RGP1: variants seen among roughly 807,000 people sequenced by gnomAD.
RGP1 encodes RGP1 partner of RAB6A GEF complex.
A neutral mutation model predicts 44.5 loss-of-function variants in RGP1; 28 were observed. That is an observed-to-expected ratio of 0.63 (90% confidence interval 0.47 to 0.86). The LOEUF is 0.86. Among genes scored for constraint, RGP1 ranks in the 40% least tolerant of loss-of-function variants. The probability of loss-of-function intolerance (pLI) is 0.00; values close to 1 mark genes in which losing one functional copy is unlikely to be tolerated. For synonymous variants in RGP1, 212 were observed against 196.7 expected, an observed-to-expected ratio of 1.08 and a Z score of -0.65; for missense variants, 417 against 490.7, an observed-to-expected ratio of 0.85 and a Z score of 1.42.
chr9:35,777,906 T>G, the RGP1 span, among the ~76,000 whole-genome samples: 25 of 152,302 alleles, frequency 1.6e-4, no homozygotes, highest in African/African-American at 5.5e-4. Context: ...GCACCCCATA[T>G]CAATGACATA....
chr9:35,760,859 A>G (rs977869094), downstream of RGP1, among the ~76,000 whole-genome samples: 2 of 152,186 alleles, frequency 1.3e-5, no homozygotes, highest in Non-Finnish European at 2.9e-5. Flanking sequence ...CAACACAAAT[A>G]AGGAGGCCTC....
At chr9:35,752,366 C>T (rs1247770510) in intron 8 of RGP1, among the ~76,000 whole-genome samples, 1 of 152,228 alleles carries the variant, frequency 6.6e-6, no homozygotes, top group East Asian at 1.9e-4. Flanking sequence ...CCCACACCTA[C>T]CTACTAGGAC....
rs761302150 is a variant in RGP1, at chr9:35,749,789, C to G, written c.34C>G (p.Pro12Ala). ...IEVVAELSRG[P>A]VFLAGEALEC... Reference sequence around the variant, plus strand: ...AGTGGTAGCAGAGCTCAGCCGGGGTCCTGTATTTTTGGCTGGGGAGGCGCT... The same window carrying G: ...AGTGGTAGCAGAGCTCAGCCGGGGTGCTGTATTTTTGGCTGGGGAGGCGCT... Residue 12 changes from proline to alanine, a missense_variant, in exon 2 of 9, where the codon CCT becomes GCT. Transcript: ENST00000378078. The surrounding 1 kb of genome is among the most constrained non-coding windows in gnomAD (Gnocchi z 4.4). 12 of 1,613,726 alleles carry G rather than the reference C, an allele frequency of 7.4e-6. No homozygotes were observed. The highest frequency in any genetic ancestry group is 1.0e-5 in the Non-Finnish European group (12 of 1,179,788).
At position 35,753,286 on chromosome 9, in the gene RGP1, G is replaced by T; in HGVS notation, c.*412G>T. On this transcript the variant is annotated 3_prime_UTR_variant, in exon 9 of 9. Transcript: ENST00000378078. This position sits in a 1 kb window ranked among gnomAD's most constrained non-coding sequence, Gnocchi z 4.2. Reference sequence around the variant, plus strand: ...AGTCGATGGGATGCTGGGACCTGGGGAACCAAGGATAGGGGAAGGAGTCAG... The same window carrying T: ...AGTCGATGGGATGCTGGGACCTGGGTAACCAAGGATAGGGGAAGGAGTCAG... 1.9e-6 allele frequency: 3 copies of T among 1,612,658 alleles called. No individual in the cohort carries two copies. The highest frequency in any genetic ancestry group is 2.2e-5 in the South Asian group (2 of 91,050).
chr9:35,777,127 CTT>C, the RGP1 span, among the ~76,000 whole-genome samples: 520 of 82,296 alleles, frequency 6.3e-3, 1 homozygote, highest in Non-Finnish European at 8.1e-3. Flanking sequence ...AGGTGTTTTT[CTT>C]TTTTTTTTTT....
At chr9:35,760,690 G>A (rs565956921), downstream of RGP1, among the ~76,000 whole-genome samples, 2 of 152,164 alleles carry the variant, frequency 1.3e-5, no homozygotes, top group African/African-American at 2.4e-5. Flanking sequence ...AGAACCCAGA[G>A]ATCTGATTTT....
intron 5 of RGP1, 48 bp from the exon 6 acceptor site, chr9:35,751,218 C>A: frequency 6.2e-7 from 1 of 1,604,654 alleles, no homozygotes. Flanking sequence ...CCTCTACTCT[C>A]ATCTCCGTTC....
chr9:35,753,429 G>A lies in RGP1; in HGVS notation c.*555G>A, dbSNP rs1171919423. ...CTAACTAAGCTGTCACCTACCATAT[G>A]TGGGCCTTTTTGTTTTATAACAGGA... On this transcript the variant is annotated 3_prime_UTR_variant, in exon 9 of 9. Coordinates refer to ENST00000378078, the MANE Select transcript of RGP1 (RefSeq NM_001080496.3). The surrounding 1 kb of genome is among the most constrained non-coding windows in gnomAD (Gnocchi z 4.2). 1.1e-6 allele frequency: 1 copy of A among 888,482 alleles called. No individual in the cohort carries two copies. Among genetic ancestry groups the A allele is most frequent in the African/African-American group, 1.7e-5 (1 of 58,868 alleles). 55.0% of individuals were successfully genotyped at this position (888,482 alleles called of 1,614,324 possible). A position where few individuals can be genotyped will look rare whatever the true frequency, so the allele number is the denominator to read the frequency against.
chr9:35,749,865 C>T lies in RGP1; in HGVS notation c.110C>T (p.Ala37Val). Residue 37 changes from alanine to valine, a missense_variant, in exon 2 of 9, where the codon GCA becomes GTA. By Grantham distance (64) the Ala-to-Val change is moderately conservative. Transcript: ENST00000378078. The surrounding 1 kb of genome is among the most constrained non-coding windows in gnomAD (Gnocchi z 4.4). Reference protein sequence around the residue: ...TNPLPPTATSASSEALAWASA... With the variant: ...TNPLPPTATSVSSEALAWASA... ...CCCCTTCCGCCCACGGCCACTTCTG[C>T]ATCCAGGTGGGGATGCTGGCACTGA... 6.2e-7 allele frequency: 1 copy of T among 1,610,178 alleles called. No individual in the cohort carries two copies. Among genetic ancestry groups the T allele is most frequent in the African/African-American group, 1.3e-5 (1 of 74,914 alleles).
At chr9:35,762,964 T>A (rs1420239608), downstream of RGP1, among the ~76,000 whole-genome samples, 1 of 152,164 alleles carries the variant, frequency 6.6e-6, no homozygotes, top group Non-Finnish European at 1.5e-5. Flanking sequence ...GTCACACAGC[T>A]AGTAAATTTC....
At chr9:35,787,868 C>G in the RGP1 span, among the ~76,000 whole-genome samples, 1 of 152,172 alleles carries the variant, frequency 6.6e-6, no homozygotes, top group African/African-American at 2.4e-5. Flanking sequence ...TTGGCAGGTT[C>G]TCTTGGACCT....
At chr9:35,776,461 A>G in the RGP1 span, among the ~76,000 whole-genome samples, 1 of 150,968 alleles carries the variant, frequency 6.6e-6, no homozygotes, top group Non-Finnish European at 1.5e-5. Flanking sequence ...TAATTTTTGT[A>G]TTTTCAGTAG....
intron 6 of RGP1, 54 bp downstream of exon 6, chr9:35,751,466 ATCTCAGAGACAG>A: frequency 6.2e-7 from 1 of 1,609,908 alleles, no homozygotes; most frequent in Admixed American, 1.7e-5. Flanking sequence ...TTGTTTTCCC[ATCTCAGAGACAG>A]TCTCCTAACC....
the RGP1 span, among the ~76,000 whole-genome samples, chr9:35,783,418 C>T: frequency 6.6e-6 from 1 of 152,092 alleles, no homozygotes; most frequent in Admixed American, 6.6e-5. Flanking sequence ...CTGGAACTTA[C>T]TCCTCCTGTC....
chr9:35,750,264 T>A lies in RGP1; in HGVS notation c.138T>A (p.Ser46Arg). The A allele has an allele frequency of 6.2e-7, 1 of 1,613,748 alleles. No homozygotes were observed. Among genetic ancestry groups the A allele is most frequent in the African/African-American group, 1.3e-5 (1 of 75,068 alleles). ...ACAGTGAGGCCCTGGCCTGGGCCAG[T>A]GCCCAAATCCACTGCCAGTTCCATG... ...SASSEALAWA[S>R]AQIHCQFHAS... The change falls in exon 3 of 9, where the codon AGT (serine) becomes AGA (arginine). Residue 46 changes from serine (S) to arginine (R), a missense_variant. Ser to Arg is a moderately radical substitution (Grantham distance 110, BLOSUM62 -1). Coordinates refer to ENST00000378078, the MANE Select transcript of RGP1 (RefSeq NM_001080496.3).
Position 35,749,834 on chromosome 9 carries a change from A to C in RGP1, c.79A>C (p.Thr27Pro). Residue 27 changes from threonine (T) to proline (P), a missense_variant, in exon 2 of 9, where the codon ACC becomes CCC. Coordinates refer to ENST00000378078, the MANE Select transcript of RGP1 (RefSeq NM_001080496.3). The surrounding 1 kb of genome is among the most constrained non-coding windows in gnomAD (Gnocchi z 4.4). The stretch of plus-strand genomic sequence containing the variant: ...GGCGCTGGAGTGTGTAGTGACCGTC[A>C]CCAACCCCCTTCCGCCCACGGCCAC... ...GEALECVVTVTNPLPPTATSA... is the reference protein window; with the variant it reads ...GEALECVVTVPNPLPPTATSA... 1 of 1,613,638 alleles carries C rather than the reference A, an allele frequency of 6.2e-7. No homozygotes were observed. Among genetic ancestry groups the C allele is most frequent in the Non-Finnish European group, 8.5e-7 (1 of 1,179,686 alleles).
In RGP1 at chr9:35,757,649, C is replaced by T. The variant is rs933347561; in HGVS notation, c.*4775C>T. 3 of 152,258 alleles carry T rather than the reference C, an allele frequency of 2.0e-5. No individual in the cohort carries two copies. Among genetic ancestry groups the T allele is most frequent in the African/African-American group, 7.2e-5 (3 of 41,416 alleles). 9.4% of individuals were successfully genotyped at this position (152,258 alleles called of 1,614,324 possible). A position where few individuals can be genotyped will look rare whatever the true frequency, so the allele number is the denominator to read the frequency against. On this transcript the variant is annotated 3_prime_UTR_variant, in exon 9 of 9. Transcript: ENST00000378078. ...AGGTCTGTCCAGAGGCTGACGTAGACAGTGAAGGGTGAAGGGTAGGTTTTA... is the reference window on the plus strand; with the variant it reads ...AGGTCTGTCCAGAGGCTGACGTAGATAGTGAAGGGTGAAGGGTAGGTTTTA...
rs754654717 is a variant in RGP1, at chr9:35,752,151, A to T, written c.952+6A>T. 1 of 1,539,786 alleles carries T rather than the reference A, an allele frequency of 6.5e-7. No homozygotes were observed. The highest frequency in any genetic ancestry group is 1.3e-5 in the South Asian group (1 of 78,460). ...AGGCTTCTGTACAGCCATTGGTGAG[A>T]CCCTCACTGTTACTGGAGAAGGGAG... On this transcript the variant is annotated splice_donor_region_variant and intron_variant, in intron 8 of 8. Coordinates refer to ENST00000378078, the MANE Select transcript of RGP1 (RefSeq NM_001080496.3).
chr9:35,763,007 C>A (rs1214530178), downstream of RGP1, among the ~76,000 whole-genome samples: 11 of 152,172 alleles, frequency 7.2e-5, no homozygotes, highest in Non-Finnish European at 1.3e-4. Flanking sequence ...TCTTCTAGTT[C>A]AAATCTTTTG....
Sources: gnomAD v4.1 joint callset for allele counts (sites outside exome capture counted in the v4.1 genomes callset) on GRCh38, gnomAD v4.1.1 for gene constraint, Gnocchi (gnomAD v3.1) non-coding constraint, MANE v1.5 for transcripts, NCBI Gene and HGNC (gene_info 2026-07-23, HGNC 2026-07-21) for gene names.